EYA1: variants seen among roughly 807,000 people sequenced by gnomAD.
EYA1 encodes protein phosphatase EYA1.
A neutral mutation model predicts 82.0 loss-of-function variants in EYA1; 16 were observed. The observed-to-expected ratio is 0.20, with a 90% CI of 0.13 to 0.30. EYA1 has a LOEUF of 0.30. Among genes scored for constraint, EYA1 ranks in the 10% least tolerant of loss-of-function variants. EYA1 has a pLI of 1.00. For missense variants in EYA1, 633 were observed against 730.7 expected (o/e 0.87, Z 1.54); for synonymous variants, 261 against 264.4 (o/e 0.99, Z 0.12).
At chr8:71,202,309 A>G (rs1320626752) in intron 17 of EYA1, among the ~76,000 whole-genome samples, 2 of 152,134 alleles carry the variant, frequency 1.3e-5, no homozygotes, top group African/African-American at 4.8e-5. Flanking sequence ...ATTTAATTTC[A>G]TAGTAAACAA....
rs529024085 is a variant in EYA1, at chr8:71,350,780, C to T, written c.124+4002G>A. ...TCCAAGACAACCAAAAATAAACACTCAAACCAGCAATATATGAACTGACCA... is the reference window on the plus strand; with the variant it reads ...TCCAAGACAACCAAAAATAAACACTTAAACCAGCAATATATGAACTGACCA... On this transcript the variant is annotated intron_variant, in intron 3 of 17. Transcript: ENST00000340726. Among the ~76,000 whole-genome samples, 7 of 152,252 alleles carry T rather than the reference C, an allele frequency of 4.6e-5. No individual in the cohort carries two copies. The East Asian group carries it at 1.4e-3, about 29-fold the overall frequency.
In EYA1 at chr8:71,199,104, A is replaced by C. The variant is rs1204977770; in HGVS notation, c.*236T>G. On this transcript the variant is annotated 3_prime_UTR_variant, in exon 18 of 18. Coordinates refer to ENST00000340726, the MANE Select transcript of EYA1 (RefSeq NM_000503.6). ...GTGGCAGACACATAACGCTGTGCTA[A>C]AACATTCTCATGGCTTATTTTCACT... 1.7e-6 allele frequency: 1 copy of C among 591,480 alleles called. No individual in the cohort carries two copies. Among genetic ancestry groups the C allele is most frequent in the Admixed American group, 2.5e-5 (1 of 40,420 alleles). 36.6% of individuals were successfully genotyped at this position (591,480 alleles called of 1,614,324 possible).
chr8:71,232,872 C>G (rs985920364), intron 12 of EYA1, among the ~76,000 whole-genome samples: 10 of 152,146 alleles, frequency 6.6e-5, no homozygotes, highest in African/African-American at 2.4e-4. Context: ...TGGACAATAA[C>G]AGCAGCATAG....
intron 2 of EYA1, among the ~76,000 whole-genome samples, chr8:71,449,513 A>T (rs1402161698): frequency 6.6e-6 from 1 of 152,224 alleles, no homozygotes; most frequent in Admixed American, 6.5e-5. Flanking sequence ...CACTGGGCTT[A>T]AAATATTTAA....
At chr8:71,546,183 C>T (rs181364925) in intron 1 of EYA1, among the ~76,000 whole-genome samples, 71 of 152,256 alleles carry the variant, frequency 4.7e-4, no homozygotes, top group African/African-American at 1.6e-3. Context: ...CAAGCCACTC[C>T]GCCAGGAAGC....
At chr8:71,440,300 G>T in intron 2 of EYA1, among the ~76,000 whole-genome samples, 1 of 152,290 alleles carries the variant, frequency 6.6e-6, no homozygotes, top group South Asian at 2.1e-4. Context: ...TGTGATAGGG[G>T]CATGACATGA....
chr8:71,286,615 T>C (rs1818397190), intron 9 of EYA1, among the ~76,000 whole-genome samples: 1 of 152,012 alleles, frequency 6.6e-6, no homozygotes, highest in Admixed American at 6.6e-5. Context: ...AAATAGACAT[T>C]TTCCTATGAA....
chr8:71,459,158 C>A (rs1198584200), intron 2 of EYA1, among the ~76,000 whole-genome samples: 2 of 152,220 alleles, frequency 1.3e-5, no homozygotes, highest in African/African-American at 2.4e-5. Context: ...CTTCTCCCCA[C>A]ATTCTGCTGT....
At chr8:71,303,131 G>T (rs1820371898) in intron 7 of EYA1, among the ~76,000 whole-genome samples, 1 of 141,828 alleles carries the variant, frequency 7.1e-6, no homozygotes, top group South Asian at 2.3e-4. Flanking sequence ...GGTTAACTTT[G>T]ATTGCACTTC....
At chr8:71,384,128 C>G (rs1828854384) in intron 2 of EYA1, among the ~76,000 whole-genome samples, 1 of 152,116 alleles carries the variant, frequency 6.6e-6, no homozygotes, top group East Asian at 1.9e-4. Flanking sequence ...ATTTCCTAAC[C>G]TCACTAAGAG....
chr8:71,298,054 G>A (rs1426640229), intron 9 of EYA1, among the ~76,000 whole-genome samples: 9 of 151,862 alleles, frequency 5.9e-5, no homozygotes, highest in Non-Finnish European at 1.3e-4. Flanking sequence ...AAGACTTTTG[G>A]GGGAGAAATC....
intron 16 of EYA1, among the ~76,000 whole-genome samples, chr8:71,211,728 T>A (rs549859791): frequency 6.6e-6 from 1 of 152,326 alleles, no homozygotes; most frequent in African/African-American, 2.4e-5. Flanking sequence ...TGATAAAAAA[T>A]AACTGGACTT....
At chr8:71,280,752 C>CT (rs900292652) in intron 9 of EYA1, among the ~76,000 whole-genome samples, 7 of 151,172 alleles carry the variant, frequency 4.6e-5, no homozygotes, top group Admixed American at 1.3e-4. Context: ...CTTTGTTTTG[C>CT]TTTTTTTTTC....
intron 4 of EYA1, among the ~76,000 whole-genome samples, chr8:71,327,222 T>G (rs2129038774): frequency 6.6e-6 from 1 of 152,350 alleles, no homozygotes; most frequent in East Asian, 1.9e-4. Context: ...CCTAGAACAT[T>G]GCTTGGCATA....
intron 7 of EYA1, among the ~76,000 whole-genome samples, chr8:71,312,796 A>T (rs1821492239): frequency 1.3e-5 from 2 of 152,240 alleles, no homozygotes; most frequent in Non-Finnish European, 2.9e-5. Flanking sequence ...CAAGGGAAAT[A>T]ACTAGGTTAG....
intron 2 of EYA1, among the ~76,000 whole-genome samples, chr8:71,431,817 G>T (rs1360825987): frequency 6.6e-6 from 1 of 152,030 alleles, no homozygotes; most frequent in African/African-American, 2.4e-5. Context: ...TTTTCCAAAG[G>T]TATTACTTTG....
At chr8:71,216,388 GGCTAATTCTTCGAAGGAT>G (rs61175547) in intron 14 of EYA1, among the ~76,000 whole-genome samples, 1 of 151,322 alleles carries the variant, frequency 6.6e-6, no homozygotes, top group African/African-American at 2.4e-5. Context: ...GGGCAGAGGT[GGCTAATTCTTCGAAGGAT>G]GCTAATCCTT....
chr8:71,323,369 C>T (rs1484140078), intron 4 of EYA1, among the ~76,000 whole-genome samples: 1 of 152,160 alleles, frequency 6.6e-6, no homozygotes, highest in Non-Finnish European at 1.5e-5. Flanking sequence ...CTATTCTACA[C>T]TAAAATCCTT....
At chr8:71,517,707 CTATA>C (rs60132408) in intron 2 of EYA1, among the ~76,000 whole-genome samples, 10 of 141,652 alleles carry the variant, frequency 7.1e-5, no homozygotes, top group African/African-American at 1.9e-4. Flanking sequence ...GGAAAACATA[CTATA>C]TATATATATA....
Sources: gnomAD v4.1 joint callset for allele counts (sites outside exome capture counted in the v4.1 genomes callset) on GRCh38, gnomAD v4.1.1 for gene constraint, MANE v1.5 for transcripts, NCBI Gene and HGNC (gene_info 2026-07-23, HGNC 2026-07-21) for gene names.